Variants in CNTN3 observed in about 807,000 individuals in gnomAD.
CNTN3 encodes the protein contactin 3.
CNTN3 carries 60 observed loss-of-function variants against 119.1 expected under a neutral mutation model. The observed-to-expected ratio is 0.50, with a 90% CI of 0.41 to 0.62. CNTN3 has a LOEUF of 0.62. CNTN3 is among the 20% of genes least tolerant of loss of function. CNTN3 has a pLI of 0.00. For missense variants in CNTN3, 1,101 were observed against 1,242.4 expected, an observed-to-expected ratio of 0.89 and a Z score of 1.71; for synonymous variants, 450 against 438.7, an observed-to-expected ratio of 1.03 and a Z score of -0.32.
At chr3:74,588,391 C>T (rs763391051) in intron 1 of CNTN3, among the ~76,000 whole-genome samples, 2 of 152,022 alleles carry the variant, frequency 1.3e-5, no homozygotes, top group Non-Finnish European at 2.9e-5. Flanking sequence ...AGGAATCCAA[C>T]GTACAAGGGA....
chr3:74,413,191 A>G (rs1006098544), intron 5 of CNTN3, among the ~76,000 whole-genome samples: 5 of 152,162 alleles, frequency 3.3e-5, no homozygotes, highest in African/African-American at 1.2e-4. Context: ...CGTCCCAGGT[A>G]GGGACCACTC....
At chr3:74,349,449 A>G (rs1703766840) in intron 11 of CNTN3, among the ~76,000 whole-genome samples, 1 of 152,236 alleles carries the variant, frequency 6.6e-6, no homozygotes, top group Admixed American at 6.5e-5. Flanking sequence ...TTCTAGGTTG[A>G]GAAGAAAAGA....
At chr3:74,575,026 C>A (rs1286856340) in intron 1 of CNTN3, among the ~76,000 whole-genome samples, 1 of 151,650 alleles carries the variant, frequency 6.6e-6, no homozygotes, top group African/African-American at 2.4e-5. Flanking sequence ...CAGACTCAAG[C>A]AATCCTCCCA....
chr3:74,550,464 C>A (rs1303863106), intron 1 of CNTN3, among the ~76,000 whole-genome samples: 1 of 152,144 alleles, frequency 6.6e-6, no homozygotes, highest in East Asian at 1.9e-4. Flanking sequence ...GGAAGAGGCA[C>A]CAAATACTCA....
intron 4 of CNTN3, among the ~76,000 whole-genome samples, chr3:74,425,879 A>G (rs991466762): frequency 6.6e-6 from 1 of 152,138 alleles, no homozygotes; most frequent in Non-Finnish European, 1.5e-5. Context: ...TACCAAGTAC[A>G]TAGAATTCAA....
At chr3:74,595,540 C>A (rs113301982) in intron 1 of CNTN3, among the ~76,000 whole-genome samples, 1 of 151,878 alleles carries the variant, frequency 6.6e-6, no homozygotes, top group Non-Finnish European at 1.5e-5. Flanking sequence ...TCAATATATG[C>A]GAATCAATAA....
intron 11 of CNTN3, among the ~76,000 whole-genome samples, chr3:74,359,196 C>T (rs1704020464): frequency 6.6e-6 from 1 of 152,096 alleles, no homozygotes; most frequent in African/African-American, 2.4e-5. Context: ...TGTCAGCCTT[C>T]ACAGTGACCA....
chr3:74,513,374 T>C (rs1703401289), intron 2 of CNTN3, among the ~76,000 whole-genome samples: 1 of 152,056 alleles, frequency 6.6e-6, no homozygotes. Context: ...ACAACCTCCC[T>C]GCTTATAAGA....
At chr3:74,463,172 A>C (rs1311716754) in intron 4 of CNTN3, among the ~76,000 whole-genome samples, 1 of 152,176 alleles carries the variant, frequency 6.6e-6, no homozygotes, top group Non-Finnish European at 1.5e-5. Flanking sequence ...TGAGCCATTA[A>C]GCGTTTGCTT....
intron 4 of CNTN3, among the ~76,000 whole-genome samples, chr3:74,441,962 A>G (rs1701973725): frequency 6.6e-6 from 1 of 152,042 alleles, no homozygotes. Context: ...TTCCTATTCC[A>G]TTCAATTTCA....
At chr3:74,573,469 G>T (rs1405405007) in intron 1 of CNTN3, among the ~76,000 whole-genome samples, 1 of 152,096 alleles carries the variant, frequency 6.6e-6, no homozygotes, top group African/African-American at 2.4e-5. Flanking sequence ...AAAAACTTTT[G>T]TGTTGCAAAG....
chr3:74,330,953 A>T (rs1424914612), intron 13 of CNTN3, among the ~76,000 whole-genome samples: 1 of 152,228 alleles, frequency 6.6e-6, no homozygotes, highest in Non-Finnish European at 1.5e-5. Context: ...GGTGTTAATG[A>T]CAAAACAGTC....
At chr3:74,374,273 C>A (rs1007813987) in intron 5 of CNTN3, among the ~76,000 whole-genome samples, 7 of 150,224 alleles carry the variant, frequency 4.7e-5, no homozygotes, top group African/African-American at 1.8e-4. Flanking sequence ...GCTCCTTCAC[C>A]TTTTTTCCAG....
At chr3:74,436,984 A>T (rs1486421966) in intron 4 of CNTN3, among the ~76,000 whole-genome samples, 1 of 152,216 alleles carries the variant, frequency 6.6e-6, no homozygotes, top group African/African-American at 2.4e-5. Flanking sequence ...TTGCATACTC[A>T]AAGCAAAATT....
intron 1 of CNTN3, among the ~76,000 whole-genome samples, chr3:74,543,181 A>C (rs899284140): frequency 1.3e-5 from 2 of 152,214 alleles, no homozygotes; most frequent in Admixed American, 6.5e-5. Context: ...CAACAGGCAG[A>C]AAGTACATGA....
intron 19 of CNTN3, among the ~76,000 whole-genome samples, chr3:74,290,774 C>G (rs920079296): frequency 9.2e-5 from 14 of 152,282 alleles, no homozygotes; most frequent in African/African-American, 3.4e-4. Flanking sequence ...TCACTGCAAG[C>G]TCTGCCTCCC....
chr3:74,516,383 G>A (rs553218488), intron 2 of CNTN3, among the ~76,000 whole-genome samples: 81 of 150,046 alleles, frequency 5.4e-4, no homozygotes, highest in South Asian at 1.9e-3. Flanking sequence ...AAGACAATGA[G>A]GATGAAGACC....
intron 4 of CNTN3, among the ~76,000 whole-genome samples, chr3:74,452,658 C>A (rs79921183): frequency 1.0e-5 from 1 of 97,902 alleles, no homozygotes; most frequent in African/African-American, 4.1e-5. Flanking sequence ...GGGTTTGTCA[C>A]AGATAGCTCT....
In CNTN3 at chr3:74,391,822, TA is replaced by T. The variant is rs1222421855; in HGVS notation, c.455-20424del. Among the ~76,000 whole-genome samples, 5 of 152,270 alleles carry T rather than the reference TA, an allele frequency of 3.3e-5. No homozygotes were observed. In the South Asian group the frequency reaches 8.3e-4, roughly 25 times the overall value. On this transcript the variant is annotated intron_variant, in intron 5 of 22. Coordinates refer to ENST00000263665, the MANE Select transcript of CNTN3 (RefSeq NM_020872.3). ...ACGTTCGCGTGCCACCACGCCCGGC[TA>T]ATTTTTTGTATTTTAGTAGAGTTGG...
Sources: allele counts gnomAD v4.1 joint callset (sites outside exome capture counted in the v4.1 genomes callset), GRCh38; gene constraint gnomAD v4.1.1; transcripts MANE v1.5; gene names NCBI Gene and HGNC (gene_info 2026-07-23, HGNC 2026-07-21).